DRP2: variants seen among roughly 807,000 people sequenced by gnomAD.
DRP2 encodes the protein dystrophin related protein 2.
A neutral mutation model predicts 78.2 loss-of-function variants in DRP2; 29 were observed. The ratio of observed to expected loss-of-function variants is 0.37; its 90% confidence interval spans 0.28 to 0.51. The LOEUF is 0.51. DRP2 is among the 20% of genes least tolerant of loss of function. DRP2 has a pLI of 0.94. For missense variants in DRP2, 686 were observed against 770.6 expected (o/e 0.89, Z 1.30); for synonymous variants, 290 against 281.9 (o/e 1.03, Z -0.29).
At position 101,250,509 on chromosome X, in the gene DRP2, C is replaced by T; in HGVS notation, c.1627C>T (p.Arg543Cys). ...VLLHEAIQVP[R>C]QLGEVAAFGG... ...GCTTCATGAGGCCATTCAGGTGCCC[C>T]GTCAGCTGGGTGAAGTGGCAGCCTT... The change falls in exon 15 of 24, where the codon CGT becomes TGT. Residue 543 changes from arginine to cysteine, a missense_variant. Coordinates refer to ENST00000395209, the MANE Select transcript of DRP2 (RefSeq NM_001939.3). 1.7e-6 allele frequency: 2 copies of T among 1,210,629 alleles called. No individual in the cohort carries two copies. The highest frequency in any genetic ancestry group is 2.2e-6 in the Non-Finnish European group (2 of 895,105).
At position 101,231,691 on chromosome X, in the gene DRP2, G is replaced by A. The variant is rs1333133641; in HGVS notation, c.44G>A (p.Arg15Gln). The stretch of plus-strand genomic sequence containing the variant: ...CAGGGATGCCCTTACACCCTCCCAC[G>A]ATGTCATGACTGGCAGGCAGCTGAC... ...VMQGCPYTLP[R>Q]CHDWQAADQF... The change falls in exon 3 of 24, where the codon CGA (arginine) becomes CAA (glutamine). Residue 15 changes from arginine (R) to glutamine (Q), a missense_variant. By Grantham distance (43) the Arg-to-Gln change is conservative (BLOSUM62 1). Coordinates refer to ENST00000395209, the MANE Select transcript of DRP2 (RefSeq NM_001939.3). The A allele has an allele frequency of 1.1e-5, 13 of 1,209,069 alleles. No individual in the cohort carries two copies. In the Middle Eastern group the frequency reaches 1.6e-3, roughly 149 times the overall value.
chrX:101,229,388 C>T (rs187004880), intron 2 of DRP2, among the ~76,000 whole-genome samples: 10 of 111,446 alleles, frequency 9.0e-5, no homozygotes, highest in Admixed American at 1.9e-4. Flanking sequence ...GGGACTTTGA[C>T]TACAACAAAG....
At chrX:101,240,217 T>G (rs1043015287) in intron 6 of DRP2, among the ~76,000 whole-genome samples, 1 of 112,030 alleles carries the variant, frequency 8.9e-6, no homozygotes, top group African/African-American at 3.2e-5. Context: ...TCTTTGGAAT[T>G]TTTTTGTGTT....
chrX:101,234,691 A>G (rs763431652), intron 3 of DRP2, among the ~76,000 whole-genome samples: 3 of 110,348 alleles, frequency 2.7e-5, no homozygotes, highest in Non-Finnish European at 5.7e-5. Flanking sequence ...AGGTAGGATC[A>G]GCTCCTGGGG....
chrX:101,244,904 A>G (rs1295852890), intron 9 of DRP2, 113 bp from the exon 10 acceptor site: 2 of 661,249 alleles, frequency 3.0e-6, no homozygotes, highest in East Asian at 3.5e-5. Flanking sequence ...TGAAATTCAG[A>G]CATCCCCTTT....
chrX:101,241,996 A>G, intron 7 of DRP2, 60 bp downstream of exon 7: 1 of 1,103,255 alleles, frequency 9.1e-7, no homozygotes, highest in Non-Finnish European at 1.2e-6. Flanking sequence ...CTCCCCAGAC[A>G]CTGACAATGT....
At chrX:101,239,250 A>T (rs1320521680) in intron 6 of DRP2, 149 bp downstream of exon 6, 1 of 766,078 alleles carries the variant, frequency 1.3e-6, no homozygotes, top group African/African-American at 2.1e-5. Flanking sequence ...GTTGGGGGGA[A>T]GCAAGATTCC....
At position 101,241,925 on chromosome X, in the gene DRP2, C is replaced by G; in HGVS notation, c.817C>G (p.Gln273Glu). 1 of 1,167,807 alleles carries G rather than the reference C, an allele frequency of 8.6e-7. No homozygotes were observed. The highest frequency in any genetic ancestry group is 1.1e-6 in the Non-Finnish European group (1 of 873,009). Residue 273 changes from glutamine to glutamate, a missense_variant, in exon 7 of 24, where the codon CAG becomes GAG. Physicochemically the swap from Gln to Glu is conservative, Grantham distance 29. This residue lies in a region of DRP2 where 263 missense variants were observed against 239.1 expected (regional missense o/e 1.10). Coordinates refer to ENST00000395209, the MANE Select transcript of DRP2 (RefSeq NM_001939.3). ...CATTGATTCACTCCCAGAGCACATC[C>G]AGGCTATTAAGGTATGCAAGCCCCC... Reference protein sequence around the residue: ...LFIDSLPEHIQAIKLFKEEFS... With the variant: ...LFIDSLPEHIEAIKLFKEEFS...
rs1439729665 is a variant in DRP2 at position 101,242,261 on chromosome X, T to C, written c.829-64T>C. The C allele has an allele frequency of 3.4e-6, 4 of 1,170,850 alleles. No individual in the cohort carries two copies. The Admixed American group carries it at 9.2e-5, about 27-fold the overall frequency. On this transcript the variant is annotated intron_variant, in intron 7 of 23. Coordinates refer to ENST00000395209, the MANE Select transcript of DRP2 (RefSeq NM_001939.3). ...CTGGGTGAAGAGGGAAGAGTAGAGG[T>C]GAATGACTAATGTTTCTTCTTTCCC...
chrX:101,255,041 G>A, intron 19 of DRP2, 117 bp downstream of exon 19: 1 of 1,064,477 alleles, frequency 9.4e-7, no homozygotes, highest in South Asian at 2.0e-5. Context: ...ACAGTGGGGT[G>A]TGCAGCAGCC....
chrX:101,250,886 G>C, intron 15 of DRP2, 31 bp from the exon 16 acceptor site: 1 of 1,204,608 alleles, frequency 8.3e-7, no homozygotes, highest in Non-Finnish European at 1.1e-6. Context: ...TTGGGCCTCA[G>C]TCATTCCCAT....
At chrX:101,260,310 T>A in intron 23 of DRP2, 141 bp downstream of exon 23, 2 of 959,677 alleles carry the variant, frequency 2.1e-6, no homozygotes, top group Non-Finnish European at 1.4e-6. Flanking sequence ...GTTTACTGAT[T>A]GATTAATTCA....
In DRP2 at chrX:101,241,656, C is replaced by T. The variant is rs745552314; in HGVS notation, c.560-12C>T. 3 of 1,208,415 alleles carry T rather than the reference C, an allele frequency of 2.5e-6. No individual in the cohort carries two copies. In the South Asian group the frequency reaches 5.3e-5, roughly 21 times the overall value. On this transcript the variant is annotated splice_polypyrimidine_tract_variant and intron_variant, in intron 6 of 23. Coordinates refer to ENST00000395209, the MANE Select transcript of DRP2 (RefSeq NM_001939.3). Reference sequence around the variant, plus strand: ...TGGTTGGCCTAACCTGGCTTCCTGCCTCCTCTTGCAGATACCTCCCCGAAA... The same window carrying T: ...TGGTTGGCCTAACCTGGCTTCCTGCTTCCTCTTGCAGATACCTCCCCGAAA...
intron 8 of DRP2, 91 bp downstream of exon 8, chrX:101,242,562 T>C (rs1464910307): frequency 9.4e-7 from 1 of 1,067,794 alleles, no homozygotes; most frequent in Non-Finnish European, 1.3e-6. Flanking sequence ...AAATAGGATC[T>C]GCATGGGAAA....
intron 2 of DRP2, among the ~76,000 whole-genome samples, chrX:101,225,957 A>G (rs1038311068): frequency 8.9e-6 from 1 of 112,018 alleles, no homozygotes; most frequent in South Asian, 3.7e-4. Flanking sequence ...CAGAAATAGT[A>G]GAAATCCCAA....
In DRP2 at chrX:101,219,969, G is replaced by GGGA. The variant is rs1299806674; in HGVS notation, c.-333_-331dup. ...TAGCAACACAGAGCAGCTCTGAGAG[G>GGGA]GGAGGAGGAGGAGAAGAAGGAAGAC... is the stretch of plus-strand genomic sequence containing the variant. On this transcript the variant is annotated 5_prime_UTR_variant, in exon 1 of 24. Coordinates refer to ENST00000395209, the MANE Select transcript of DRP2 (RefSeq NM_001939.3). The GGGA allele has an allele frequency of 1.8e-5, 2 of 111,490 alleles. No homozygotes were observed. The highest frequency in any genetic ancestry group is 5.7e-4 in the East Asian group (2 of 3,514). The allele number at this position is 111,490 out of a possible 1,213,427, so 9.2% of individuals were successfully genotyped here.
intron 17 of DRP2, among the ~76,000 whole-genome samples, chrX:101,253,161 C>A (rs1355127514): frequency 9.0e-6 from 1 of 111,628 alleles, no homozygotes; most frequent in Non-Finnish European, 1.9e-5. Flanking sequence ...TCTACCCCTT[C>A]TAGTCAGTAC....
Position 101,245,075 on chromosome X carries a change from C to T in DRP2, c.1113C>T (p.Ile371=), listed in dbSNP as rs755815069. Reference sequence around the variant, plus strand: ...CACCCAATAAAGTTCCCTACTACATCAAGTGAGTGACCATCTGAATCAGAA... The same window carrying T: ...CACCCAATAAAGTTCCCTACTACATTAAGTGAGTGACCATCTGAATCAGAA... The part of the protein sequence containing the change: ...AISPNKVPYY[I]NHQAQTTCWD... Residue 371 remains isoleucine, a splice_region_variant and synonymous_variant, in exon 10 of 24, where the codon ATC becomes ATT. Transcript: ENST00000395209. The T allele has an allele frequency of 2.5e-6, 3 of 1,208,886 alleles. No homozygotes were observed. The highest frequency in any genetic ancestry group is 3.4e-6 in the Non-Finnish European group (3 of 893,652).
At chrX:101,235,444 A>C (rs1189936817) in intron 3 of DRP2, among the ~76,000 whole-genome samples, 7 of 112,406 alleles carry the variant, frequency 6.2e-5, no homozygotes, top group Non-Finnish European at 1.3e-4. Flanking sequence ...TAGGACCCTG[A>C]AGTATGAGCC....
Sources: gnomAD v4.1 joint callset for allele counts (sites outside exome capture counted in the v4.1 genomes callset) on GRCh38, gnomAD v4.1.1 for gene constraint, gnomAD v4.1.1 regional missense constraint, MANE v1.5 for transcripts, NCBI Gene and HGNC (gene_info 2026-07-23, HGNC 2026-07-21) for gene names.